The following EFCAB10 variants were observed in gnomAD, a reference collection of about 807,000 sequenced individuals.
EFCAB10 encodes the protein EF-hand calcium binding domain 10.
EFCAB10 carries 7 observed loss-of-function variants against 7.7 expected under a neutral mutation model. The observed-to-expected ratio is 0.91, with a 90% confidence interval of 0.52 to 1.72. The LOEUF (loss-of-function observed/expected upper bound fraction) is 1.72, where lower values mean the gene tolerates loss of function less well. Ranked by LOEUF, EFCAB10 falls within the 40% of genes most tolerant of loss-of-function variation. The probability of loss-of-function intolerance (pLI) is 0.00; values close to 1 mark genes in which losing one functional copy is unlikely to be tolerated. For missense variants in EFCAB10, 112 were observed against 61.5 expected (o/e 1.82, Z -2.74); for synonymous variants, 52 against 21.0 (o/e 2.47, Z -4.03).
At chr7:105,577,522 G>C (rs1792109830) in intron 1 of EFCAB10, among the ~76,000 whole-genome samples, 1 of 152,078 alleles carries the variant, frequency 6.6e-6, no homozygotes, top group African/African-American at 2.4e-5. Flanking sequence ...TGACTGTGCT[G>C]CTTTGAGTGT....
In EFCAB10 at chr7:105,569,518, C is replaced by T. The variant is rs996852692; in HGVS notation, c.160G>A (p.Val54Ile). Residue 54 changes from valine (V) to isoleucine (I), a missense_variant, in exon 2 of 5, where the codon GTA becomes ATA. Physicochemically the swap from Val to Ile is conservative, Grantham distance 29 (BLOSUM62 3). Coordinates refer to ENST00000480514, the MANE Select transcript of EFCAB10 (RefSeq NM_001355526.2). ...AAGAAAGGAAACGCCACGCCTGTTA[C>T]TTTTGCAATTCTCAGTCGTTCCAAT... Reference protein sequence around the residue: ...SLLERLRIAKVTGVAFPFFMD... With the variant: ...SLLERLRIAKITGVAFPFFMD... 87 of 702,718 alleles carry T rather than the reference C, an allele frequency of 1.2e-4. No homozygotes were observed. The highest frequency in any genetic ancestry group is 1.9e-4 in the Non-Finnish European group (74 of 384,936). 43.5% of individuals were successfully genotyped at this position (702,718 alleles called of 1,614,324 possible). A position where few individuals can be genotyped will look rare whatever the true frequency, so the allele number is the denominator to read the frequency against.
At chr7:105,574,195 C>CTT (rs3999802) in intron 1 of EFCAB10, among the ~76,000 whole-genome samples, 1 of 148,672 alleles carries the variant, frequency 6.7e-6, no homozygotes, top group East Asian at 2.0e-4. Flanking sequence ...TACACACACA[C>CTT]GTATATATAT....
chr7:105,575,529 T>A (rs1792057366), intron 1 of EFCAB10, among the ~76,000 whole-genome samples: 1 of 152,106 alleles, frequency 6.6e-6, no homozygotes, highest in African/African-American at 2.4e-5. Context: ...TGAGGCAAGT[T>A]TTTCCTACCA....
intron 3 of EFCAB10, among the ~76,000 whole-genome samples, chr7:105,568,721 A>C (rs1237124703): frequency 6.6e-6 from 1 of 152,078 alleles, no homozygotes; most frequent in Non-Finnish European, 1.5e-5. Flanking sequence ...AGGCCGAGGC[A>C]GTGGATCACT....
intron 1 of EFCAB10, among the ~76,000 whole-genome samples, chr7:105,570,381 A>C (rs1014119526): frequency 6.7e-6 from 1 of 150,130 alleles, no homozygotes; most frequent in African/African-American, 2.4e-5. Context: ...ATTTCTAACA[A>C]AGCAATTTGG....
intron 1 of EFCAB10, among the ~76,000 whole-genome samples, chr7:105,570,517 T>C (rs756640704): frequency 2.6e-5 from 4 of 151,752 alleles, no homozygotes; most frequent in Non-Finnish European, 5.9e-5. Flanking sequence ...GTTTGGATGG[T>C]ATATACCACT....
chr7:105,574,104 TACAC>T lies in EFCAB10; in HGVS notation c.107-4537_107-4534del, dbSNP rs201813322. 4.2e-4 allele frequency among the ~76,000 whole-genome samples: 59 copies of T among 139,906 alleles called. No homozygotes were observed. The South Asian group carries it at 9.1e-3, about 22-fold the overall frequency. 91.8% of individuals were successfully genotyped at this position (139,906 alleles called of 152,430 possible). ...GCCAGCAACCATATATATACACACA[TACAC>T]ACACACAATGTGTGTGTATATATAT... On this transcript the variant is annotated intron_variant, in intron 1 of 4. Transcript: ENST00000480514.
At chr7:105,578,474 T>C (rs1380736866) in intron 1 of EFCAB10, among the ~76,000 whole-genome samples, 1 of 152,116 alleles carries the variant, frequency 6.6e-6, no homozygotes. Context: ...AGAAAAATAC[T>C]TCCTAGACCT....
In EFCAB10 at chr7:105,581,478, C is replaced by T. The variant is rs1792237219; in HGVS notation, c.-15G>A. 1 of 702,952 alleles carries T rather than the reference C, an allele frequency of 1.4e-6. No homozygotes were observed. Among genetic ancestry groups the T allele is most frequent in the Non-Finnish European group, 2.6e-6 (1 of 384,854 alleles). 43.5% of individuals were successfully genotyped at this position (702,952 alleles called of 1,614,324 possible). A position where few individuals can be genotyped will look rare whatever the true frequency, so the allele number is the denominator to read the frequency against. On this transcript the variant is annotated 5_prime_UTR_variant, in exon 1 of 5. Transcript: ENST00000480514. ...CTGGTCTCCATCGCTCCGCGTCCCG[C>T]TGTTGCTAGGCGACTGCCTGGCGTC... is the stretch of plus-strand genomic sequence containing the variant.
chr7:105,581,159 G>A (rs1792224391), intron 1 of EFCAB10, among the ~76,000 whole-genome samples, 199 bp downstream of exon 1: 1 of 152,186 alleles, frequency 6.6e-6, no homozygotes, highest in Non-Finnish European at 1.5e-5. Context: ...CCACCAGGAG[G>A]TGGAGGTTGT....
At chr7:105,574,483 G>A (rs1792025549) in intron 1 of EFCAB10, among the ~76,000 whole-genome samples, 3 of 148,674 alleles carry the variant, frequency 2.0e-5, no homozygotes, top group African/African-American at 4.9e-5. Context: ...ACCTTGTGCA[G>A]GGAAGCTCCT....
At chr7:105,579,089 G>C (rs1792159260) in intron 1 of EFCAB10, among the ~76,000 whole-genome samples, 1 of 152,130 alleles carries the variant, frequency 6.6e-6, no homozygotes. Context: ...AAAAAGTTTT[G>C]AATGTAGGAA....
In EFCAB10 at chr7:105,565,315, T is replaced by C. The variant is rs764854638; in HGVS notation, c.*132A>G. ...CCATCTCAGTCAGAGCAGGCAGTGA[T>C]GTCCCTGTCCAGTTCGGCTTGCCCG... On this transcript the variant is annotated 3_prime_UTR_variant, in exon 5 of 5. Coordinates refer to ENST00000480514, the MANE Select transcript of EFCAB10 (RefSeq NM_001355526.2). 24 of 1,613,754 alleles carry C rather than the reference T, an allele frequency of 1.5e-5. No individual in the cohort carries two copies. Among genetic ancestry groups the C allele is most frequent in the South Asian group, 1.1e-5 (1 of 91,070 alleles).
intron 1 of EFCAB10, among the ~76,000 whole-genome samples, chr7:105,575,517 G>C (rs1026848147): frequency 5.3e-5 from 8 of 152,042 alleles, no homozygotes; most frequent in Non-Finnish European, 1.2e-4. Context: ...ATATACCCTA[G>C]CTGAGGCAAG....
intron 3 of EFCAB10, among the ~76,000 whole-genome samples, chr7:105,568,376 C>T (rs986708314): frequency 6.6e-6 from 1 of 152,054 alleles, no homozygotes; most frequent in Non-Finnish European, 1.5e-5. Flanking sequence ...AATTTTATTC[C>T]AATGGTTTTT....
At chr7:105,580,277 C>T (rs1034954519) in intron 1 of EFCAB10, among the ~76,000 whole-genome samples, 9 of 151,988 alleles carry the variant, frequency 5.9e-5, no homozygotes, top group African/African-American at 2.2e-4. Flanking sequence ...CGTGAGTCAC[C>T]GCCCCCAAGG....
chr7:105,576,093 C>A lies in EFCAB10; in HGVS notation c.106+5265G>T, dbSNP rs577673567. On this transcript the variant is annotated intron_variant, in intron 1 of 4. Transcript: ENST00000480514. ...AAGACACAGGATAAAGCTAGTGTGT[C>A]TTTCTAAGCATCAATCATACCTTGG... Among the ~76,000 whole-genome samples the A allele has an allele frequency of 4.6e-5, 7 of 152,296 alleles. No individual in the cohort carries two copies. The South Asian group carries it at 1.4e-3, about 32-fold the overall frequency.
At chr7:105,579,467 A>G (rs568366936) in intron 1 of EFCAB10, among the ~76,000 whole-genome samples, 2 of 152,326 alleles carry the variant, frequency 1.3e-5, no homozygotes, top group African/African-American at 4.8e-5. Context: ...TGATCACACA[A>G]ATTTAAGCCA....
chr7:105,567,208 C>T lies in EFCAB10; in HGVS notation c.383+259G>A, dbSNP rs34310648. 12,074 of 1,613,198 alleles carry T rather than the reference C, an allele frequency of 7.5e-3. 59 individuals are homozygous for T. The highest frequency in any genetic ancestry group is 8.6e-3 in the Non-Finnish European group (10,171 of 1,179,724). Reference sequence around the variant, plus strand: ...CTGCAGTCAGCTTCAGGGCAGCTTCCTGCCACAGCAGCATTAAATGAAGTT... The same window carrying T: ...CTGCAGTCAGCTTCAGGGCAGCTTCTTGCCACAGCAGCATTAAATGAAGTT... On this transcript the variant is annotated intron_variant, in intron 4 of 4. Coordinates refer to ENST00000480514, the MANE Select transcript of EFCAB10 (RefSeq NM_001355526.2).
Sources: allele counts gnomAD v4.1 joint callset (sites outside exome capture counted in the v4.1 genomes callset), GRCh38; gene constraint gnomAD v4.1.1; transcripts MANE v1.5; gene names NCBI Gene and HGNC (gene_info 2026-07-23, HGNC 2026-07-21).